The following NRBP2 variants were observed in gnomAD, a reference collection of about 807,000 sequenced individuals.
NRBP2 encodes the protein nuclear receptor-binding protein 2.
In NRBP2, 47 loss-of-function variants were observed where a neutral mutation model predicts 74.4. The ratio of observed to expected loss-of-function variants is 0.63; its 90% CI spans 0.50 to 0.81. The LOEUF is 0.81. NRBP2 is among the 30% of genes least tolerant of loss of function. NRBP2 has a pLI of 0.00. For missense variants in NRBP2, 613 were observed against 690.1 expected, an observed-to-expected ratio of 0.89 and a Z score of 1.25; for synonymous variants, 312 against 273.8, an observed-to-expected ratio of 1.14 and a Z score of -1.38.
Position 143,835,957 on chromosome 8 carries a change from C to G in NRBP2, c.1381+10G>C, listed in dbSNP as rs782739374. ...CACCGCCCGCCGCCCAAGTCCCCTGCCCAGCCTACTTGGGAGCAGGTCGTA... is the reference window on the plus strand; with the variant it reads ...CACCGCCCGCCGCCCAAGTCCCCTGGCCAGCCTACTTGGGAGCAGGTCGTA... On this transcript the variant is annotated intron_variant, in intron 16 of 17. Coordinates refer to ENST00000442628, the MANE Select transcript of NRBP2 (RefSeq NM_178564.4). This position sits in a 1 kb window ranked among gnomAD's most constrained non-coding sequence, Gnocchi z 4.9. The G allele has an allele frequency of 6.3e-7, 1 of 1,594,184 alleles. No homozygotes were observed. Among genetic ancestry groups the G allele is most frequent in the African/African-American group, 1.3e-5 (1 of 74,388 alleles).
rs782760293 is a variant in NRBP2, at chr8:143,837,521, A to G, written c.974-12T>C. 8.7e-6 allele frequency: 14 copies of G among 1,606,074 alleles called. No homozygotes were observed. The highest frequency in any genetic ancestry group is 2.2e-5 in the East Asian group (1 of 44,638). ...CTCAGGCATGAGGTCTGCGGCCACA[A>G]GAGCATCAAGGCGGTGTGCTCAGGC... On this transcript the variant is annotated splice_polypyrimidine_tract_variant and intron_variant, in intron 11 of 17. Coordinates refer to ENST00000442628, the MANE Select transcript of NRBP2 (RefSeq NM_178564.4). The surrounding 1 kb of genome is among the most constrained non-coding windows in gnomAD (Gnocchi z 4.3).
chr8:143,832,365 G>T (rs1249688214), downstream of NRBP2, among the ~76,000 whole-genome samples: 8 of 152,024 alleles, frequency 5.3e-5, no homozygotes, highest in African/African-American at 1.7e-4. Flanking sequence ...ATATGGCCTC[G>T]TGGGATGGGA....
chr8:143,833,271 A>G (rs1818225436), downstream of NRBP2: 1 of 152,224 alleles, frequency 6.6e-6, no homozygotes, highest in Non-Finnish European at 1.5e-5. Flanking sequence ...ATAGAAAACT[A>G]GGCAAACCAA....
intron 10 of NRBP2, chr8:143,838,195 T>G: frequency 5.1e-6 from 2 of 391,194 alleles, no homozygotes; most frequent in Non-Finnish European, 9.6e-6. Context: ...TGGAGTTAAG[T>G]CTAGACTCCG....
chr8:143,837,133 G>C lies in NRBP2; in HGVS notation c.1169C>G (p.Pro390Arg), dbSNP rs782150376. 24 of 1,612,336 alleles carry C rather than the reference G, an allele frequency of 1.5e-5. No individual in the cohort carries two copies. The highest frequency in any genetic ancestry group is 2.0e-5 in the Non-Finnish European group (23 of 1,178,860). Residue 390 changes from proline to arginine, a missense_variant, in exon 14 of 18, where the codon CCC becomes CGC. Coordinates refer to ENST00000442628, the MANE Select transcript of NRBP2 (RefSeq NM_178564.4). The surrounding 1 kb of genome is among the most constrained non-coding windows in gnomAD (Gnocchi z 4.3). ...GGCCAGCACACGGGGCAGCCCCAGG[G>C]GTCGAGTGGCTGCAAAGTTCATCAG... ...YPLMNFAATR[P>R]LGLPRVLAPP... is the part of the protein sequence containing the mutation.
intron 14 of NRBP2, among the ~76,000 whole-genome samples, chr8:143,836,795 G>A (rs578140640): frequency 2.0e-3 from 309 of 152,120 alleles, no homozygotes; most frequent in Middle Eastern, 0.017. Flanking sequence ...AGTAGGTTCA[G>A]GGCAGGCAGC....
In NRBP2 at chr8:143,839,161, T is replaced by C; in HGVS notation, c.604+11A>G. ...TCTCCAGGACCCCGTCCCCCCAAAGTCCGCACTTACCATTGGAGAAGATTC... is the reference window on the plus strand; with the variant it reads ...TCTCCAGGACCCCGTCCCCCCAAAGCCCGCACTTACCATTGGAGAAGATTC... On this transcript the variant is annotated intron_variant, in intron 7 of 17. Transcript: ENST00000442628. The surrounding 1 kb of genome is among the most constrained non-coding windows in gnomAD (Gnocchi z 5.1). The C allele has an allele frequency of 6.6e-7, 1 of 1,522,884 alleles. No individual in the cohort carries two copies. The highest frequency in any genetic ancestry group is 8.8e-7 in the Non-Finnish European group (1 of 1,138,690). 94.3% of individuals were successfully genotyped at this position (1,522,884 alleles called of 1,614,324 possible).
intron 14 of NRBP2, 72 bp downstream of exon 14, chr8:143,836,967 A>C (rs1818428928): frequency 6.5e-7 from 1 of 1,526,734 alleles, no homozygotes; most frequent in East Asian, 2.3e-5. Context: ...CCCTAAGAGA[A>C]GGAGGGGCAC....
At chr8:143,829,830 C>T (rs573337386), downstream of NRBP2, 1 of 152,682 alleles carries the variant, frequency 6.5e-6, no homozygotes, top group South Asian at 2.1e-4. Flanking sequence ...CAATTGGCAG[C>T]TTTTTCTCCT....
At position 143,840,028 on chromosome 8, in the gene NRBP2, C is replaced by T. The variant is rs1554653305; in HGVS notation, c.255G>A (p.Glu85=). ...GCTGCTCGAACACGGTCTGGATCTT[C>T]TCCTGGGGAGGGAGGGTGGTCGCTG... The part of the protein sequence containing the change: ...GDRKAFAAHE[E]KIQTVFEQLV... Residue 85 remains glutamate, a splice_region_variant and synonymous_variant, in exon 3 of 18, where the codon GAG becomes GAA. Transcript: ENST00000442628. The surrounding 1 kb of genome is among the most constrained non-coding windows in gnomAD (Gnocchi z 5.7). 6.5e-7 allele frequency: 1 copy of T among 1,536,202 alleles called. No homozygotes were observed. Among genetic ancestry groups the T allele is most frequent in the Non-Finnish European group, 8.7e-7 (1 of 1,146,920 alleles).
At chr8:143,831,000 C>T (rs537617380), downstream of NRBP2, among the ~76,000 whole-genome samples, 1 of 152,290 alleles carries the variant, frequency 6.6e-6, no homozygotes, top group South Asian at 2.1e-4. Context: ...GGTGGGTGCT[C>T]TTAGGGCTAG....
intron 10 of NRBP2, 65 bp downstream of exon 10, chr8:143,838,615 A>C (rs1818536766): frequency 8.4e-7 from 1 of 1,196,540 alleles, no homozygotes; most frequent in African/African-American, 1.5e-5. Context: ...GTCTGCCTGG[A>C]GCACCTTGCT....
chr8:143,838,788 G>C lies in NRBP2; in HGVS notation c.745-13C>G. The C allele has an allele frequency of 6.2e-7, 1 of 1,611,796 alleles. No homozygotes were observed. Among genetic ancestry groups the C allele is most frequent in the African/African-American group, 1.3e-5 (1 of 75,048 alleles). ...CCAGTACAGCCATCTGGGGCACAGAGCCAGGTCAGGCATGGGGAAGGGACC... is the reference window on the plus strand; with the variant it reads ...CCAGTACAGCCATCTGGGGCACAGACCCAGGTCAGGCATGGGGAAGGGACC... On this transcript the variant is annotated splice_polypyrimidine_tract_variant and intron_variant, in intron 9 of 17. Transcript: ENST00000442628.
Position 143,838,782 on chromosome 8 carries a change from C to G in NRBP2, c.745-7G>C. The G allele has an allele frequency of 6.2e-7, 1 of 1,612,270 alleles. No individual in the cohort carries two copies. The highest frequency in any genetic ancestry group is 8.5e-7 in the Non-Finnish European group (1 of 1,179,130). ...GGATTTCCAGTACAGCCATCTGGGG[C>G]ACAGAGCCAGGTCAGGCATGGGGAA... On this transcript the variant is annotated splice_polypyrimidine_tract_variant and splice_region_variant and intron_variant, in intron 9 of 17. Coordinates refer to ENST00000442628, the MANE Select transcript of NRBP2 (RefSeq NM_178564.4).
chr8:143,839,476 T>C lies in NRBP2; in HGVS notation c.485+33A>G, dbSNP rs2130556476. ...AGGCTCTGGAGAGATGGGGGCTCGG[T>C]GGCGCCGCGCCCAGGCCAGCCCAGG... On this transcript the variant is annotated intron_variant, in intron 5 of 17. Transcript: ENST00000442628. This position sits in a 1 kb window ranked among gnomAD's most constrained non-coding sequence, Gnocchi z 5.1. The C allele has an allele frequency of 6.5e-7, 1 of 1,528,906 alleles. No individual in the cohort carries two copies. The highest frequency in any genetic ancestry group is 8.8e-7 in the Non-Finnish European group (1 of 1,141,948). 94.7% of individuals were successfully genotyped at this position (1,528,906 alleles called of 1,614,324 possible). A position where few individuals can be genotyped will look rare whatever the true frequency, so the allele number is the denominator to read the frequency against.
At position 143,840,919 on chromosome 8, in the gene NRBP2, A is replaced by C. The variant is rs1818666251; in HGVS notation, c.-85T>G. The stretch of plus-strand genomic sequence containing the variant: ...GGCCCGCCCTGGCCTCGCGCCCAGC[A>C]GCCCAGCCTAGAGCCGCCGCGGCAG... On this transcript the variant is annotated 5_prime_UTR_variant, in exon 1 of 18. Coordinates refer to ENST00000442628, the MANE Select transcript of NRBP2 (RefSeq NM_178564.4). The surrounding 1 kb of genome is among the most constrained non-coding windows in gnomAD (Gnocchi z 5.7). 1 of 1,199,420 alleles carries C rather than the reference A, an allele frequency of 8.3e-7. No individual in the cohort carries two copies. Among genetic ancestry groups the C allele is most frequent in the East Asian group, 3.7e-5 (1 of 26,728 alleles). The allele number at this position is 1,199,420 out of a possible 1,614,324, so 74.3% of individuals were successfully genotyped here.
rs1554651398 is a variant in NRBP2 at position 143,835,770 on chromosome 8, C to T, written c.1438-40G>A. ...AGGCATGGGGGACGGAGGGGCGCGG[C>T]CTGCCCCGTGCGCCCCCTCCGCCAG... On this transcript the variant is annotated intron_variant, in intron 17 of 17. Coordinates refer to ENST00000442628, the MANE Select transcript of NRBP2 (RefSeq NM_178564.4). This position sits in a 1 kb window ranked among gnomAD's most constrained non-coding sequence, Gnocchi z 4.9. The T allele has an allele frequency of 1.9e-6, 3 of 1,602,636 alleles. No individual in the cohort carries two copies. Among genetic ancestry groups the T allele is most frequent in the Non-Finnish European group, 2.6e-6 (3 of 1,175,072 alleles).
At position 143,836,117 on chromosome 8, in the gene NRBP2, C is replaced by G. The variant is rs781915681; in HGVS notation, c.1317+10G>C. The G allele has an allele frequency of 1.2e-6, 2 of 1,601,578 alleles. No homozygotes were observed. Among genetic ancestry groups the G allele is most frequent in the Admixed American group, 1.7e-5 (1 of 57,902 alleles). On this transcript the variant is annotated intron_variant, in intron 15 of 17. Transcript: ENST00000442628. ...CCCACGGCAGCGCCGCCCTCCCAGGCCCCGCTCACATGCCAGCGCGCCTTG... is the reference window on the plus strand; with the variant it reads ...CCCACGGCAGCGCCGCCCTCCCAGGGCCCGCTCACATGCCAGCGCGCCTTG...
chr8:143,833,216 A>G (rs1413338257), downstream of NRBP2: 2 of 152,248 alleles, frequency 1.3e-5, no homozygotes, highest in Non-Finnish European at 2.9e-5. Flanking sequence ...CAGGATGCTC[A>G]TGCTTCTTCA....
Sources: gnomAD v4.1 joint callset for allele counts (sites outside exome capture counted in the v4.1 genomes callset) on GRCh38, gnomAD v4.1.1 for gene constraint, Gnocchi (gnomAD v3.1) non-coding constraint, MANE v1.5 for transcripts, NCBI Gene and HGNC (gene_info 2026-07-23, HGNC 2026-07-21) for gene names.